DOP1B: variants seen among roughly 807,000 people sequenced by gnomAD.
DOP1B encodes protein DOP1B.
DOP1B carries 174 observed loss-of-function variants against 233.5 expected under a neutral mutation model. The observed-to-expected ratio is 0.75, with a 90% CI of 0.66 to 0.85. The LOEUF is 0.85. DOP1B is among the 40% of genes least tolerant of loss of function. The pLI, the probability that DOP1B is intolerant of heterozygous loss-of-function variation, is 0.00. For missense variants in DOP1B, 2,652 were observed against 2,846.6 expected, an observed-to-expected ratio of 0.93 and a Z score of 1.56; for synonymous variants, 1,190 against 1,185.6, an observed-to-expected ratio of 1.00 and a Z score of -0.08.
At chr21:36,270,233 G>A (rs1334309611) in intron 27 of DOP1B, 76 bp downstream of exon 27, 1 of 1,498,086 alleles carries the variant, frequency 6.7e-7, no homozygotes, top group Non-Finnish European at 9.1e-7. Flanking sequence ...GAGATCTTGA[G>A]TGTTCTCACC....
At chr21:36,176,981 G>C (rs2066039283) in intron 2 of DOP1B, among the ~76,000 whole-genome samples, 1 of 152,128 alleles carries the variant, frequency 6.6e-6, no homozygotes, top group Non-Finnish European at 1.5e-5. Flanking sequence ...ACCACACCTG[G>C]CTAATTTTTT....
intron 2 of DOP1B, among the ~76,000 whole-genome samples, chr21:36,194,785 C>A (rs570561365): frequency 2.0e-5 from 3 of 152,272 alleles, no homozygotes; most frequent in East Asian, 3.9e-4. Flanking sequence ...CTGCACCCAG[C>A]CTTCTTGCTG....
At chr21:36,247,170 C>T (rs535896795) in intron 19 of DOP1B, among the ~76,000 whole-genome samples, 2 of 152,282 alleles carry the variant, frequency 1.3e-5, no homozygotes, top group South Asian at 2.1e-4. Context: ...GGAGCCACTG[C>T]GCCCAGCCCT....
At chr21:36,213,921 G>C (rs1381252421) in intron 7 of DOP1B, among the ~76,000 whole-genome samples, 160 bp from the exon 8 acceptor site, 1 of 152,076 alleles carries the variant, frequency 6.6e-6, no homozygotes, top group Non-Finnish European at 1.5e-5. Flanking sequence ...CCACACCACT[G>C]TCAGAAGAAG....
rs561847713 is a variant in DOP1B at position 36,253,902 on chromosome 21, G to C, written c.5252G>C (p.Gly1751Ala). The change falls in exon 23 of 37, where the codon GGT (glycine) becomes GCT (alanine). Residue 1751 changes from glycine (G) to alanine (A), a missense_variant. Gly to Ala is a moderately conservative substitution (Grantham distance 60). Around this residue, in one of 3 missense-constraint regions of DOP1B, gnomAD observed 2,617 missense variants for 2,794.3 expected, o/e 0.94. Coordinates refer to ENST00000691173, the MANE Select transcript of DOP1B (RefSeq NM_001320714.2). Reference protein sequence around the residue: ...VVKRPPQVKGGDEKSPLVDIP... With the variant: ...VVKRPPQVKGADEKSPLVDIP... ...AAGAGGCCACCCCAAGTCAAAGGGG[G>C]TGATGAGGTGAGGAGCCTGGGGAAG... is the stretch of plus-strand genomic sequence containing the variant. 2 of 1,613,712 alleles carry C rather than the reference G, an allele frequency of 1.2e-6. No homozygotes were observed. Among genetic ancestry groups the C allele is most frequent in the African/African-American group, 2.7e-5 (2 of 74,924 alleles).
intron 4 of DOP1B, among the ~76,000 whole-genome samples, chr21:36,205,049 C>G (rs1195406198): frequency 2.6e-5 from 4 of 152,202 alleles, no homozygotes; most frequent in Non-Finnish European, 4.4e-5. Context: ...TGTTTCTGAC[C>G]TGCAGTTTAC....
chr21:36,237,245 C>T lies in DOP1B; in HGVS notation c.2623-17C>T. 1 of 1,614,126 alleles carries T rather than the reference C, an allele frequency of 6.2e-7. No individual in the cohort carries two copies. ...TGTTGACCTGGTCCCCCACCGCCTG[C>T]CTTTTCCTTGTCCCAGAGGGTGGCT... On this transcript the variant is annotated splice_polypyrimidine_tract_variant and intron_variant, in intron 15 of 36. Transcript: ENST00000691173.
chr21:36,193,497 C>T (rs1485370816), intron 2 of DOP1B, among the ~76,000 whole-genome samples: 1 of 152,158 alleles, frequency 6.6e-6, no homozygotes, highest in Non-Finnish European at 1.5e-5. Context: ...AGATCTTGAT[C>T]TCCCTAGGCT....
At chr21:36,213,728 C>T (rs1022186324) in intron 7 of DOP1B, among the ~76,000 whole-genome samples, 5 of 150,598 alleles carry the variant, frequency 3.3e-5, no homozygotes, top group African/African-American at 7.3e-5. Flanking sequence ...TTAGTAGAGA[C>T]GGGGTTTCAT....
At chr21:36,285,015 T>G (rs1484590368) in intron 32 of DOP1B, among the ~76,000 whole-genome samples, 1 of 151,980 alleles carries the variant, frequency 6.6e-6, no homozygotes, top group Non-Finnish European at 1.5e-5. Context: ...GAATGCTAAC[T>G]GAAAATGGAG....
rs959975306 is a variant in DOP1B, at chr21:36,263,546, G to A, written c.5316G>A (p.Arg1772=). 6.2e-7 allele frequency: 1 copy of A among 1,612,994 alleles called. No homozygotes were observed. The highest frequency in any genetic ancestry group is 8.5e-7 in the Non-Finnish European group (1 of 1,179,624). ...VLQFCYAFLQ[R]LPVPALQENF... The stretch of plus-strand genomic sequence containing the variant: ...TTTTTCCTATCTTTTAAAAAAACAG[G>A]CTCCCAGTACCAGCCTTGCAAGAGA... Residue 1772 remains arginine, a splice_region_variant and synonymous_variant, in exon 25 of 37, where the codon AGG becomes AGA. Coordinates refer to ENST00000691173, the MANE Select transcript of DOP1B (RefSeq NM_001320714.2).
intron 18 of DOP1B, among the ~76,000 whole-genome samples, chr21:36,242,873 G>T (rs2066907877): frequency 6.6e-6 from 1 of 151,858 alleles, no homozygotes; most frequent in South Asian, 2.1e-4. Flanking sequence ...TTCATTTCTT[G>T]ATCTTGCTTA....
intron 12 of DOP1B, among the ~76,000 whole-genome samples, chr21:36,227,186 T>C (rs191878804): frequency 0.029 from 4,023 of 138,344 alleles, 159 homozygotes; most frequent in African/African-American, 0.099. Flanking sequence ...CCAGCCTGGG[T>C]GACAGAGTGA....
chr21:36,288,890 A>G, intron 34 of DOP1B, 79 bp downstream of exon 34: 1 of 1,458,128 alleles, frequency 6.9e-7, no homozygotes, highest in Non-Finnish European at 9.5e-7. Flanking sequence ...AGAGTTGTCT[A>G]ATGTTAAATG....
At chr21:36,205,545 T>A (rs141428726) in intron 4 of DOP1B, among the ~76,000 whole-genome samples, 6,055 of 151,914 alleles carry the variant, frequency 0.04, 138 homozygotes, top group South Asian at 0.07. Context: ...CGAACCACCA[T>A]GCCCAGCTAA....
chr21:36,269,229 C>G (rs1372661877), intron 26 of DOP1B, among the ~76,000 whole-genome samples: 1 of 152,068 alleles, frequency 6.6e-6, no homozygotes, highest in African/African-American at 2.4e-5. Context: ...GATCTAGGCT[C>G]ACTGCAACCT....
At chr21:36,261,558 C>A (rs2123638239) in intron 24 of DOP1B, 1 of 985,358 alleles carries the variant, frequency 1.0e-6, no homozygotes, top group South Asian at 4.7e-5. Context: ...TTTACTGGAC[C>A]TCATTCAGAT....
intron 32 of DOP1B, among the ~76,000 whole-genome samples, chr21:36,282,001 G>C (rs2067422269): frequency 6.6e-6 from 1 of 152,184 alleles, no homozygotes; most frequent in African/African-American, 2.4e-5. Flanking sequence ...CCCATGAGGG[G>C]CTGAGATGAT....
chr21:36,176,103 T>C (rs62229324), intron 2 of DOP1B, among the ~76,000 whole-genome samples: 16 of 142,032 alleles, frequency 1.1e-4, no homozygotes, highest in East Asian at 6.0e-4. Context: ...TGTGCGTGTG[T>C]GTGTGTGTGT....
Sources: allele counts gnomAD v4.1 joint callset (sites outside exome capture counted in the v4.1 genomes callset), GRCh38; gene constraint gnomAD v4.1.1; regional missense constraint gnomAD v4.1.1; transcripts MANE v1.5; gene names NCBI Gene and HGNC (gene_info 2026-07-23, HGNC 2026-07-21).